ZNF143: variants seen among roughly 807,000 people sequenced by gnomAD.
ZNF143 encodes the protein SPH-binding factor.
ZNF143 carries 49 observed loss-of-function variants against 74.1 expected under a neutral mutation model. That is an observed-to-expected ratio of 0.66 (90% CI 0.53 to 0.84). ZNF143 has a LOEUF of 0.84. Ranked by LOEUF, ZNF143 falls within the 40% of genes least tolerant of loss-of-function variation. The pLI is 0.00. For missense variants in ZNF143, 637 were observed against 793.4 expected (o/e 0.80, Z 2.37); for synonymous variants, 304 against 282.8 (o/e 1.07, Z -0.75).
rs113787334 is a variant in ZNF143, at chr11:9,519,945, G to A, written c.1686+3583G>A. On this transcript the variant is annotated intron_variant, in intron 14 of 15. Coordinates refer to ENST00000396602, the MANE Select transcript of ZNF143 (RefSeq NM_003442.6). ...TCACACCTGTAATCCCAGCACTTTG[G>A]GAGGCCAAGGTCGGAGGATTGCTTG... 8.4e-3 allele frequency among the ~76,000 whole-genome samples: 1,283 copies of A among 152,066 alleles called. 12 individuals carry two copies. Among genetic ancestry groups the A allele is most frequent in the Non-Finnish European group, 0.012 (844 of 67,990 alleles).
intron 11 of ZNF143, 78 bp downstream of exon 11, chr11:9,501,348 A>C (rs931345359): frequency 1.5e-5 from 22 of 1,507,706 alleles, no homozygotes; most frequent in Non-Finnish European, 2.0e-5. Context: ...ACCATTTCCA[A>C]CTAATCTCTT....
In ZNF143 at chr11:9,471,336, T is replaced by G; in HGVS notation, c.28T>G (p.Ser10Ala). The change falls in exon 2 of 16, where the codon TCT becomes GCT. Residue 10 changes from serine to alanine, a missense_variant. Physicochemically the swap from Ser to Ala is moderately conservative, Grantham distance 99. This residue lies in a region of ZNF143 where 293 missense variants were observed against 307.8 expected (regional missense o/e 0.95). Coordinates refer to ENST00000396602, the MANE Select transcript of ZNF143 (RefSeq NM_003442.6). Reference sequence around the variant, plus strand: ...GTTGTTAGCCCAAATAAATCGAGATTCTCAGGGAATGACAGAGTTTCCTGG... The same window carrying G: ...GTTGTTAGCCCAAATAAATCGAGATGCTCAGGGAATGACAGAGTTTCCTGG... MLLAQINRD[S>A]QGMTEFPGGG... is the part of the protein sequence containing the mutation. The G allele has an allele frequency of 6.2e-7, 1 of 1,612,272 alleles. No homozygotes were observed. The highest frequency in any genetic ancestry group is 8.5e-7 in the Non-Finnish European group (1 of 1,179,388).
intron 9 of ZNF143, 100 bp downstream of exon 9, chr11:9,496,478 A>G (rs1847961105): frequency 3.1e-6 from 3 of 956,532 alleles, no homozygotes; most frequent in South Asian, 2.8e-5. Flanking sequence ...CTGAATCTGC[A>G]GAAGCACATG....
At chr11:9,475,910 A>ATATGTGTGTGTGTGTGTG (rs370474107) in intron 5 of ZNF143, among the ~76,000 whole-genome samples, 3 of 137,288 alleles carry the variant, frequency 2.2e-5, no homozygotes, top group African/African-American at 8.3e-5. Context: ...AAAAATATAT[A>ATATGTGTGTGTGTGTGTG]TGTGTGTGTG....
chr11:9,480,192 A>G (rs752988493), intron 7 of ZNF143, among the ~76,000 whole-genome samples: 5 of 152,206 alleles, frequency 3.3e-5, no homozygotes, highest in Admixed American at 1.3e-4. Context: ...AGTAAGTACA[A>G]AGTAGTCCCA....
chr11:9,499,507 C>T (rs1235905828), intron 10 of ZNF143, among the ~76,000 whole-genome samples: 1 of 152,080 alleles, frequency 6.6e-6, no homozygotes, highest in Admixed American at 6.6e-5. Context: ...GAATGGTTTC[C>T]ACCAATAGAG....
chr11:9,492,790 C>T (rs1403272342), intron 7 of ZNF143, among the ~76,000 whole-genome samples: 1 of 152,100 alleles, frequency 6.6e-6, no homozygotes, highest in Non-Finnish European at 1.5e-5. Flanking sequence ...CAGTTCTTGA[C>T]TTCAAGTAGC....
rs1565038394 is a variant in ZNF143 at position 9,486,336 on chromosome 11, TTATATTATA to T, written c.645+6796_645+6804del. Among the ~76,000 whole-genome samples, 2 of 80,418 alleles carry T rather than the reference TTATATTATA, an allele frequency of 2.5e-5. 1 individual carries two copies. The highest frequency in any genetic ancestry group is 4.7e-5 in the Non-Finnish European group (2 of 42,172). 52.8% of individuals were successfully genotyped at this position (80,418 alleles called of 152,430 possible). On this transcript the variant is annotated intron_variant, in intron 7 of 15. Coordinates refer to ENST00000396602, the MANE Select transcript of ZNF143 (RefSeq NM_003442.6). Reference sequence around the variant, plus strand: ...AGAATATAATGGTCCTAGGCGCTAATTATATTATATATATATTATATATATATTATATAT... The same window carrying T: ...AGAATATAATGGTCCTAGGCGCTAATTATATATTATATATATATTATATAT...
chr11:9,518,403 C>A (rs894787868), intron 14 of ZNF143, among the ~76,000 whole-genome samples: 4 of 152,170 alleles, frequency 2.6e-5, no homozygotes, highest in African/African-American at 9.7e-5. Flanking sequence ...AAAAGATGTT[C>A]AACATCATTA....
chr11:9,483,538 C>T (rs563850748), intron 7 of ZNF143, among the ~76,000 whole-genome samples: 12 of 149,760 alleles, frequency 8.0e-5, no homozygotes, highest in East Asian at 2.0e-4. Flanking sequence ...CATTGTGATC[C>T]GCCCACTTGG....
intron 3 of ZNF143, 48 bp from the exon 4 acceptor site, chr11:9,473,893 T>C (rs564388780): frequency 1.9e-6 from 3 of 1,613,070 alleles, no homozygotes; most frequent in Admixed American, 1.7e-5. Flanking sequence ...GTATAAAGTT[T>C]AAAATTTTTG....
intron 7 of ZNF143, among the ~76,000 whole-genome samples, chr11:9,482,964 C>G (rs780825155): frequency 6.6e-6 from 1 of 150,826 alleles, no homozygotes; most frequent in Non-Finnish European, 1.5e-5. Flanking sequence ...CAATTGGTTA[C>G]TAGAGATTTT....
chr11:9,478,542 A>C lies in ZNF143; in HGVS notation c.526A>C (p.Ile176Leu). Residue 176 changes from isoleucine (I) to leucine (L), a missense_variant, in exon 6 of 16, where the codon ATT (isoleucine) becomes CTT (leucine). Coordinates refer to ENST00000396602, the MANE Select transcript of ZNF143 (RefSeq NM_003442.6). ...VAGLHTGDAT[I>L]DPDTISALEQ... Reference sequence around the variant, plus strand: ...AGGTCTGCACACTGGGGATGCTACAATTGACCCTGACACCATCAGTGCTTT... The same window carrying C: ...AGGTCTGCACACTGGGGATGCTACACTTGACCCTGACACCATCAGTGCTTT... 2 of 1,614,198 alleles carry C rather than the reference A, an allele frequency of 1.2e-6. No individual in the cohort carries two copies. Among genetic ancestry groups the C allele is most frequent in the Non-Finnish European group, 1.7e-6 (2 of 1,180,024 alleles).
chr11:9,470,781 C>G (rs762262054), intron 1 of ZNF143, among the ~76,000 whole-genome samples: 30 of 152,060 alleles, frequency 2.0e-4, no homozygotes, highest in South Asian at 1.5e-3. Flanking sequence ...GGACACTGAC[C>G]GCTGTGTCAA....
At chr11:9,497,168 T>A (rs888359346) in intron 9 of ZNF143, among the ~76,000 whole-genome samples, 20 of 152,216 alleles carry the variant, frequency 1.3e-4, no homozygotes, top group Non-Finnish European at 1.3e-4. Context: ...ACAACCTCTT[T>A]TAGACAGAAA....
At chr11:9,520,025 ATTTTTTTTTTTTTTTTTT>A (rs954404348) in intron 14 of ZNF143, among the ~76,000 whole-genome samples, 1 of 91,386 alleles carries the variant, frequency 1.1e-5, no homozygotes, top group Non-Finnish European at 2.1e-5. Context: ...GTTTCCACCA[ATTTTTTTTTTTTTTTTTT>A]TTTTTTTTTT....
chr11:9,498,575 C>T (rs928407881), intron 10 of ZNF143, among the ~76,000 whole-genome samples: 24 of 152,094 alleles, frequency 1.6e-4, no homozygotes, highest in African/African-American at 5.6e-4. Flanking sequence ...CTAAATAGTA[C>T]GTTATTCTTA....
chr11:9,524,516 C>T (rs1589957704), intron 14 of ZNF143, among the ~76,000 whole-genome samples: 1 of 152,224 alleles, frequency 6.6e-6, no homozygotes, highest in South Asian at 2.1e-4. Flanking sequence ...GATGAATAGC[C>T]AAGTAAAACA....
chr11:9,484,389 T>A (rs182361722), intron 7 of ZNF143, among the ~76,000 whole-genome samples: 2 of 151,188 alleles, frequency 1.3e-5, no homozygotes, highest in East Asian at 1.9e-4. Flanking sequence ...AAGAAATATT[T>A]AAAAAAATGT....
Sources: gnomAD v4.1 joint callset for allele counts (sites outside exome capture counted in the v4.1 genomes callset) on GRCh38, gnomAD v4.1.1 for gene constraint, gnomAD v4.1.1 regional missense constraint, MANE v1.5 for transcripts, NCBI Gene and HGNC (gene_info 2026-07-23, HGNC 2026-07-21) for gene names.